The following CSF3R variants were observed in gnomAD, a reference collection of about 807,000 sequenced individuals.
CSF3R encodes the protein granulocyte colony-stimulating factor receptor.
In CSF3R, 52 loss-of-function variants were observed where a neutral mutation model predicts 84.4. The ratio of observed to expected loss-of-function variants is 0.62; its 90% CI spans 0.49 to 0.78. The LOEUF (loss-of-function observed/expected upper bound fraction) is 0.78, where lower values mean the gene tolerates loss of function less well. CSF3R is among the 30% of genes least tolerant of loss of function. CSF3R has a pLI of 0.00. For synonymous variants in CSF3R, 384 were observed against 429.1 expected (o/e 0.89, Z 1.30); for missense variants, 890 against 1,055.7 (o/e 0.84, Z 2.17).
chr1:36,467,775 G>A lies in CSF3R; in HGVS notation c.1864+47C>T, dbSNP rs746278130. On this transcript the variant is annotated intron_variant, in intron 14 of 16. Transcript: ENST00000373106. The surrounding 1 kb of genome is among the most constrained non-coding windows in gnomAD (Gnocchi z 4.1). ...CTCAAAATCAGCATCCTTTGGGTGG[G>A]GTACCCTCCAAACAGCCATCTCTGC... 2 of 1,614,018 alleles carry A rather than the reference G, an allele frequency of 1.2e-6. No homozygotes were observed. Among genetic ancestry groups the A allele is most frequent in the Admixed American group, 3.3e-5 (2 of 60,030 alleles).
chr1:36,467,116 G>A lies in CSF3R; in HGVS notation c.2040+114C>T, dbSNP rs896530441. 1.6e-5 allele frequency: 21 copies of A among 1,326,204 alleles called. No homozygotes were observed. The highest frequency in any genetic ancestry group is 2.4e-5 in the South Asian group (2 of 83,466). The allele number at this position is 1,326,204 out of a possible 1,614,324, so 82.2% of individuals were successfully genotyped here. ...TGGGTCTGCTTCAGTCCAAAGGGAC[G>A]AGATGTTGCCGGAAGTGACAGGAAG... On this transcript the variant is annotated intron_variant, in intron 16 of 16. Coordinates refer to ENST00000373106, the MANE Select transcript of CSF3R (RefSeq NM_000760.4). The surrounding 1 kb of genome is among the most constrained non-coding windows in gnomAD (Gnocchi z 4.1).
At position 36,469,248 on chromosome 1, in the gene CSF3R, C is replaced by A; in HGVS notation, c.1484G>T (p.Arg495Met). 6.2e-7 allele frequency: 1 copy of A among 1,613,672 alleles called. No homozygotes were observed. Among genetic ancestry groups the A allele is most frequent in the Non-Finnish European group, 8.5e-7 (1 of 1,179,590 alleles). The stretch of plus-strand genomic sequence containing the variant: ...GATGATCTCATAGAGCTGAAAGGGC[C>A]TGATGTTCTCTGTAGAGAGAAAATG... ...ATGFLLKENI[R>M]PFQLYEIIVT... Residue 495 changes from arginine to methionine, a missense_variant, in exon 12 of 17, where the codon AGG becomes ATG. By Grantham distance (91) the Arg-to-Met change is moderately conservative (BLOSUM62 -1). Coordinates refer to ENST00000373106, the MANE Select transcript of CSF3R (RefSeq NM_000760.4).
At position 36,467,320 on chromosome 1, in the gene CSF3R, G is replaced by C; in HGVS notation, c.1959-9C>G. 6.2e-7 allele frequency: 1 copy of C among 1,614,028 alleles called. No individual in the cohort carries two copies. Among genetic ancestry groups the C allele is most frequent in the Non-Finnish European group, 8.5e-7 (1 of 1,179,880 alleles). Reference sequence around the variant, plus strand: ...AGAGGGGATTCTTCCTGCTGGAGAAGGGGGCAGGTGGAGGCTGAGTCAGAC... The same window carrying C: ...AGAGGGGATTCTTCCTGCTGGAGAACGGGGCAGGTGGAGGCTGAGTCAGAC... On this transcript the variant is annotated splice_polypyrimidine_tract_variant and intron_variant, in intron 15 of 16. Transcript: ENST00000373106. This position sits in a 1 kb window ranked among gnomAD's most constrained non-coding sequence, Gnocchi z 4.1.
chr1:36,475,943 T>A, intron 3 of CSF3R: 1 of 417,474 alleles, frequency 2.4e-6, no homozygotes, highest in Non-Finnish European at 4.4e-6. Context: ...GCGGTGTAAG[T>A]GCTCTCACTG....
Position 36,468,222 on chromosome 1 carries a change from C to G in CSF3R, c.1577-1G>C. 1 of 1,578,426 alleles carries G rather than the reference C, an allele frequency of 6.3e-7. No individual in the cohort carries two copies. The highest frequency in any genetic ancestry group is 8.6e-7 in the Non-Finnish European group (1 of 1,161,840). ...TGCAGCTCTGGGGCATGGGAGGGAGCTATGGGAAGAGAGAGGTGCGGGGGC... is the reference window on the plus strand; with the variant it reads ...TGCAGCTCTGGGGCATGGGAGGGAGGTATGGGAAGAGAGAGGTGCGGGGGC... On this transcript the variant is annotated splice_acceptor_variant, in intron 12 of 16. Transcript: ENST00000373106. LOFTEE classifies it high-confidence loss of function.
Position 36,475,460 on chromosome 1 carries a change from T to C in CSF3R, c.278A>G (p.Asn93Ser). ...GCAGGAGAGAAAGGCCTGAGTGTGGTTGAGGTGGGGCAGGGTGATGATAGA... is the reference window on the plus strand; with the variant it reads ...GCAGGAGAGAAAGGCCTGAGTGTGGCTGAGGTGGGGCAGGGTGATGATAGA... The part of the protein sequence containing the change: ...QESIITLPHL[N>S]HTQAFLSCCL... The change falls in exon 4 of 17, where the codon AAC becomes AGC. Residue 93 changes from asparagine (N) to serine (S), a missense_variant. By Grantham distance (46) the Asn-to-Ser change is conservative. Coordinates refer to ENST00000373106, the MANE Select transcript of CSF3R (RefSeq NM_000760.4). The C allele has an allele frequency of 1.2e-6, 2 of 1,613,760 alleles. No homozygotes were observed. Among genetic ancestry groups the C allele is most frequent in the South Asian group, 2.2e-5 (2 of 91,060 alleles).
chr1:36,467,182 C>G lies in CSF3R; in HGVS notation c.2040+48G>C, dbSNP rs571017575. On this transcript the variant is annotated intron_variant, in intron 16 of 16. Transcript: ENST00000373106. The surrounding 1 kb of genome is among the most constrained non-coding windows in gnomAD (Gnocchi z 4.1). ...TTCAGAAGGTGTCCCTTCACTGAGC[C>G]TGGGCCGACATCCCCATCTCATTTC... The G allele has an allele frequency of 6.3e-7, 1 of 1,593,786 alleles. No homozygotes were observed. Among genetic ancestry groups the G allele is most frequent in the African/African-American group, 1.3e-5 (1 of 74,578 alleles).
chr1:36,470,899 G>A (rs1207406981), intron 10 of CSF3R, among the ~76,000 whole-genome samples: 2 of 152,166 alleles, frequency 1.3e-5, no homozygotes, highest in Non-Finnish European at 2.9e-5. Flanking sequence ...CTTTGTGCCA[G>A]GCACTTGTCT....
Position 36,468,031 on chromosome 1 carries a change from T to C in CSF3R, c.1723+44A>G, listed in dbSNP as rs564529592. The C allele has an allele frequency of 1.8e-4, 290 of 1,614,234 alleles. 3 individuals carry two copies. The East Asian group carries it at 6.4e-3, about 36-fold the overall frequency. On this transcript the variant is annotated intron_variant, in intron 13 of 16. Transcript: ENST00000373106. ...GCCTCCGTGGCAGCTGAGCACCCCC[T>C]TCCAGGCCTTCTGGGGCTGTGGGGG...
Position 36,482,453 on chromosome 1 carries a change from G to C in CSF3R, c.-81+358C>G, listed in dbSNP as rs899129411. On this transcript the variant is annotated intron_variant, in intron 1 of 16. Coordinates refer to ENST00000373106, the MANE Select transcript of CSF3R (RefSeq NM_000760.4). ...GCTGAGGAGGAAAGATGGAAACAGA[G>C]AGTGAAATAGAGACCCAGACGGGGA... Among the ~76,000 whole-genome samples, 10 of 152,106 alleles carry C rather than the reference G, an allele frequency of 6.6e-5. No individual in the cohort carries two copies. In the South Asian group the frequency reaches 1.7e-3, roughly 25 times the overall value.
chr1:36,482,590 C>A (rs1397277577), intron 1 of CSF3R, among the ~76,000 whole-genome samples: 2 of 152,148 alleles, frequency 1.3e-5, no homozygotes, highest in African/African-American at 4.8e-5. Flanking sequence ...CAAGGAGATA[C>A]TTGGCTGTGA....
intron 10 of CSF3R, among the ~76,000 whole-genome samples, chr1:36,470,841 T>C (rs986987389): frequency 2.0e-5 from 3 of 152,176 alleles, no homozygotes; most frequent in African/African-American, 7.2e-5. Flanking sequence ...GAGCTTAACC[T>C]GGTCTGGCTA....
intron 3 of CSF3R, 62 bp from the exon 4 acceptor site, chr1:36,475,735 T>C (rs1209519046): frequency 7.3e-6 from 11 of 1,517,192 alleles, no homozygotes; most frequent in Non-Finnish European, 8.0e-6. Flanking sequence ...GGCTATAATC[T>C]AGGCCTTTGT....
intron 3 of CSF3R, chr1:36,477,459 C>T (rs1210272126): frequency 6.6e-6 from 1 of 151,610 alleles, no homozygotes; most frequent in Non-Finnish European, 1.5e-5. Context: ...GATGGGTTTT[C>T]ACCATGCTGG....
chr1:36,475,360 T>C lies in CSF3R; in HGVS notation c.361+17A>G, dbSNP rs373559200. ...GGGTGTTGGAGGCAGAGTAGTTGGA[T>C]GGCTGGAAGGACTTACAGCCTGCGC... is the stretch of plus-strand genomic sequence containing the variant. On this transcript the variant is annotated intron_variant, in intron 4 of 16. Coordinates refer to ENST00000373106, the MANE Select transcript of CSF3R (RefSeq NM_000760.4). The C allele has an allele frequency of 1.2e-6, 2 of 1,613,146 alleles. No individual in the cohort carries two copies. Among genetic ancestry groups the C allele is most frequent in the African/African-American group, 1.3e-5 (1 of 75,036 alleles).
chr1:36,479,291 T>C, intron 3 of CSF3R, 142 bp downstream of exon 3: 1 of 850,252 alleles, frequency 1.2e-6, no homozygotes. Flanking sequence ...GGAGACCAGC[T>C]ACCCCACATC....
At chr1:36,481,385 T>C (rs1198604458) in intron 2 of CSF3R, 93 bp downstream of exon 2, 1 of 152,232 alleles carries the variant, frequency 6.6e-6, no homozygotes, top group Non-Finnish European at 1.5e-5. Flanking sequence ...TGTTGGAGCA[T>C]GGTCTCACTC....
rs1389780392 is a variant in CSF3R, at chr1:36,472,400, G to A, written c.844-9C>T. ...AAGGGGAGGGGGCCCACCTGGTGAG[G>A]GGTGGACAGGACTCTGAGCCTTGGA... On this transcript the variant is annotated splice_polypyrimidine_tract_variant and intron_variant, in intron 7 of 16. Transcript: ENST00000373106. The surrounding 1 kb of genome is among the most constrained non-coding windows in gnomAD (Gnocchi z 5.0). 6.2e-7 allele frequency: 1 copy of A among 1,613,794 alleles called. No homozygotes were observed. The highest frequency in any genetic ancestry group is 2.2e-5 in the East Asian group (1 of 44,882).
chr1:36,466,326 G>T lies in CSF3R; in HGVS notation c.*31C>A, dbSNP rs764281972. The T allele has an allele frequency of 2.5e-6, 4 of 1,612,152 alleles. No homozygotes were observed. The highest frequency in any genetic ancestry group is 3.4e-6 in the Non-Finnish European group (4 of 1,179,840). Reference sequence around the variant, plus strand: ...CTCCAGCTAGCTCAGGCCTTTAAGAGGCAGGCCCAAGAAGGGAACCCCAGG... The same window carrying T: ...CTCCAGCTAGCTCAGGCCTTTAAGATGCAGGCCCAAGAAGGGAACCCCAGG... On this transcript the variant is annotated 3_prime_UTR_variant, in exon 17 of 17. Coordinates refer to ENST00000373106, the MANE Select transcript of CSF3R (RefSeq NM_000760.4). This position sits in a 1 kb window ranked among gnomAD's most constrained non-coding sequence, Gnocchi z 4.6.
Sources: allele counts gnomAD v4.1 joint callset (sites outside exome capture counted in the v4.1 genomes callset), GRCh38; gene constraint gnomAD v4.1.1; non-coding constraint Gnocchi (gnomAD v3.1); transcripts MANE v1.5; gene names NCBI Gene and HGNC (gene_info 2026-07-23, HGNC 2026-07-21).